The following SHTN1 variants were observed in gnomAD, a reference collection of about 807,000 sequenced individuals.
SHTN1 encodes shootin-1.
Under a neutral mutation model 83.1 loss-of-function variants are expected in SHTN1, and 42 were observed. The observed-to-expected ratio is 0.51, with a 90% CI of 0.39 to 0.65. The LOEUF is 0.65. Among genes scored for constraint, SHTN1 ranks in the 30% least tolerant of loss-of-function variants. The pLI, the probability that SHTN1 is intolerant of heterozygous loss-of-function variation, is 0.00. For synonymous variants in SHTN1, 224 were observed against 247.7 expected, an observed-to-expected ratio of 0.90 and a Z score of 0.90; for missense variants, 622 against 737.8, an observed-to-expected ratio of 0.84 and a Z score of 1.82.
At chr10:116,954,542 C>A (rs1849904305) in intron 4 of SHTN1, among the ~76,000 whole-genome samples, 1 of 152,114 alleles carries the variant, frequency 6.6e-6, no homozygotes, top group South Asian at 2.1e-4. Context: ...TTATTTCAAG[C>A]AAATCTTCTG....
At chr10:117,081,904 C>T (rs11197890) in intron 1 of SHTN1, among the ~76,000 whole-genome samples, 28,591 of 149,836 alleles carry the variant, frequency 0.19, 2,937 homozygotes, top group East Asian at 0.42. Context: ...TTTTTTATTG[C>T]GTCTATTTGA....
At chr10:117,040,210 G>A (rs1852563859) in intron 2 of SHTN1, among the ~76,000 whole-genome samples, 1 of 152,078 alleles carries the variant, frequency 6.6e-6, no homozygotes, top group Non-Finnish European at 1.5e-5. Flanking sequence ...GAAATACAAA[G>A]GACTTAGGGT....
intron 8 of SHTN1, among the ~76,000 whole-genome samples, chr10:116,943,212 G>A (rs1407309590): frequency 6.6e-6 from 1 of 152,150 alleles, no homozygotes; most frequent in Non-Finnish European, 1.5e-5. Context: ...CACTAAGACT[G>A]AAGACCAGGT....
chr10:116,898,577 G>A (rs546775423), intron 16 of SHTN1, among the ~76,000 whole-genome samples: 49 of 152,110 alleles, frequency 3.2e-4, no homozygotes, highest in Middle Eastern at 3.4e-3. Context: ...AATTCATAAC[G>A]TTCACATTCA....
At position 116,944,964 on chromosome 10, in the gene SHTN1, T is replaced by C; in HGVS notation, c.671A>G (p.Glu224Gly). The C allele has an allele frequency of 6.2e-7, 1 of 1,612,384 alleles. No individual in the cohort carries two copies. The highest frequency in any genetic ancestry group is 2.2e-5 in the East Asian group (1 of 44,876). Residue 224 changes from glutamate (E) to glycine (G), a missense_variant, in exon 8 of 17, where the codon GAG becomes GGG. Glu to Gly is a moderately conservative substitution (Grantham distance 98). Coordinates refer to ENST00000355371, the MANE Select transcript of SHTN1 (RefSeq NM_001127211.3). ...YEEMQVNLEL[E>G]KDLRKKAESF... is the part of the protein sequence containing the mutation. ...CTCTGCTTTCTTTCGAAGGTCCTTC[T>C]CCAGCTCCAGGTTTACTTGCATCTC...
chr10:116,980,369 T>C (rs1339610878), intron 1 of SHTN1, among the ~76,000 whole-genome samples: 1 of 152,046 alleles, frequency 6.6e-6, no homozygotes, highest in Non-Finnish European at 1.5e-5. Context: ...CATAGCTCAC[T>C]GCAGTTTTGA....
intron 16 of SHTN1, among the ~76,000 whole-genome samples, chr10:116,893,376 C>G (rs1238047973): frequency 6.6e-6 from 1 of 152,124 alleles, no homozygotes; most frequent in Admixed American, 6.5e-5. Flanking sequence ...GAGCTGTTTC[C>G]TGCAGTGTCA....
At chr10:116,891,591 G>T (rs1847344457) in intron 16 of SHTN1, among the ~76,000 whole-genome samples, 1 of 152,138 alleles carries the variant, frequency 6.6e-6, no homozygotes, top group Non-Finnish European at 1.5e-5. Flanking sequence ...TATTTTCTCT[G>T]GTGTAAAAAT....
chr10:116,972,006 T>C (rs1394599432), intron 2 of SHTN1, among the ~76,000 whole-genome samples: 1 of 152,202 alleles, frequency 6.6e-6, no homozygotes, highest in African/African-American at 2.4e-5. Flanking sequence ...TCATACACAA[T>C]CACTAATGTG....
At chr10:117,085,443 T>A (rs1287793289) in intron 1 of SHTN1, among the ~76,000 whole-genome samples, 4 of 152,248 alleles carry the variant, frequency 2.6e-5, no homozygotes, top group African/African-American at 9.6e-5. Flanking sequence ...AATATTTGGG[T>A]ATTTTCCAGC....
Position 116,940,519 on chromosome 10 carries a change from T to G in SHTN1, c.805A>C (p.Asn269His), listed in dbSNP as rs1849330416. Residue 269 changes from asparagine (N) to histidine (H), a missense_variant, in exon 9 of 17, where the codon AAT becomes CAT. Asn to His is a moderately conservative substitution (Grantham distance 68). Coordinates refer to ENST00000355371, the MANE Select transcript of SHTN1 (RefSeq NM_001127211.3). ...DQQLLKALDE[N>H]AKLTQQLEEE... ...TCAAGTTGCTGGGTGAGTTTTGCAT[T>G]TTCGTCTAAAGCTTTCAAAAGCTGC... 1 of 1,613,980 alleles carries G rather than the reference T, an allele frequency of 6.2e-7. No individual in the cohort carries two copies. Among genetic ancestry groups the G allele is most frequent in the African/African-American group, 1.3e-5 (1 of 74,912 alleles).
At chr10:116,960,281 T>C (rs750985715) in intron 3 of SHTN1, 51 bp from the exon 4 acceptor site, 5 of 1,002,062 alleles carry the variant, frequency 5.0e-6, no homozygotes, top group South Asian at 3.9e-5. Context: ...TAGTCAGCTA[T>C]TCCAGGAGCC....
At chr10:116,952,229 A>T (rs1849805478) in intron 5 of SHTN1, among the ~76,000 whole-genome samples, 1 of 152,186 alleles carries the variant, frequency 6.6e-6, no homozygotes, top group South Asian at 2.1e-4. Flanking sequence ...CAACCTCACT[A>T]CATTAAATGT....
At chr10:117,052,547 G>GA (rs1374417015) in intron 1 of SHTN1, among the ~76,000 whole-genome samples, 6 of 151,480 alleles carry the variant, frequency 4.0e-5, no homozygotes, top group African/African-American at 1.2e-4. Context: ...GCTACAGTAA[G>GA]AAAAAAAATT....
intron 1 of SHTN1, among the ~76,000 whole-genome samples, chr10:117,072,174 C>G (rs1297313834): frequency 6.6e-6 from 1 of 152,150 alleles, no homozygotes; most frequent in Non-Finnish European, 1.5e-5. Context: ...ACATCTTTCT[C>G]CTGTGCTGGA....
intron 5 of SHTN1, among the ~76,000 whole-genome samples, chr10:116,952,846 T>C (rs1849822967): frequency 6.6e-6 from 1 of 152,226 alleles, no homozygotes; most frequent in African/African-American, 2.4e-5. Flanking sequence ...TCAAACTTTT[T>C]ACATAAACTC....
chr10:117,079,468 G>C (rs1345135317), intron 1 of SHTN1, among the ~76,000 whole-genome samples: 1 of 97,750 alleles, frequency 1.0e-5, no homozygotes, highest in African/African-American at 4.1e-5. Context: ...CCAAGTCTTT[G>C]CTATTGTGAA....
At chr10:116,892,054 C>T (rs1329295107) in intron 16 of SHTN1, among the ~76,000 whole-genome samples, 1 of 152,134 alleles carries the variant, frequency 6.6e-6, no homozygotes, top group Non-Finnish European at 1.5e-5. Context: ...TCAACATGAA[C>T]AAGAATTCCT....
At chr10:116,992,088 G>A (rs528026013) in intron 1 of SHTN1, among the ~76,000 whole-genome samples, 2 of 152,262 alleles carry the variant, frequency 1.3e-5, no homozygotes, top group African/African-American at 4.8e-5. Flanking sequence ...GCTGCAGTGC[G>A]TCATGATCAT....
Sources: gnomAD v4.1 joint callset for allele counts (sites outside exome capture counted in the v4.1 genomes callset) on GRCh38, gnomAD v4.1.1 for gene constraint, MANE v1.5 for transcripts, NCBI Gene and HGNC (gene_info 2026-07-23, HGNC 2026-07-21) for gene names.